HEMK1: variants seen among roughly 807,000 people sequenced by gnomAD.
HEMK1 encodes the protein MTRF1L release factor glutamine methyltransferase.
HEMK1 carries 36 observed loss-of-function variants against 47.9 expected under a neutral mutation model. The ratio of observed to expected loss-of-function variants is 0.75; its 90% CI spans 0.58 to 0.99. HEMK1 has a LOEUF of 0.99. Among genes scored for constraint, HEMK1 ranks in the 50% least tolerant of loss-of-function variants. The probability of loss-of-function intolerance (pLI) is 0.00; values close to 1 mark genes in which losing one functional copy is unlikely to be tolerated. For missense variants in HEMK1, 383 were observed against 434.5 expected (o/e 0.88, Z 1.05); for synonymous variants, 153 against 165.4 (o/e 0.93, Z 0.57).
intron 6 of HEMK1, 57 bp downstream of exon 6, chr3:50,577,630 C>A: frequency 2.0e-6 from 3 of 1,535,174 alleles, no homozygotes; most frequent in Non-Finnish European, 2.7e-6. Context: ...AGGTTTCAAA[C>A]TCACCAATGT....
In HEMK1 at chr3:50,581,405, C is replaced by T. The variant is rs1396402132; in HGVS notation, c.*988C>T. 1 of 150,926 alleles carries T rather than the reference C, an allele frequency of 6.6e-6. No individual in the cohort carries two copies. Among genetic ancestry groups the T allele is most frequent in the African/African-American group, 2.4e-5 (1 of 41,434 alleles). 9.3% of individuals were successfully genotyped at this position (150,926 alleles called of 1,614,324 possible). ...CAGGCTGTCTCATTCCACTAGACTG[C>T]CCCCTGCCACCCTGGCACTTCCCAG... On this transcript the variant is annotated 3_prime_UTR_variant, in exon 11 of 11. Coordinates refer to ENST00000232854, the MANE Select transcript of HEMK1 (RefSeq NM_016173.5).
Position 50,587,859 on chromosome 3 carries a change from G to A in HEMK1, c.*7442G>A, listed in dbSNP as rs1339527875. Reference sequence around the variant, plus strand: ...GGCTGCAACTTGTCCAGGGTCTGGAGGTGGCTGGGGTCTGTAGCAGTGGCA... The same window carrying A: ...GGCTGCAACTTGTCCAGGGTCTGGAAGTGGCTGGGGTCTGTAGCAGTGGCA... On this transcript the variant is annotated 3_prime_UTR_variant, in exon 11 of 11. Transcript: ENST00000232854. The surrounding 1 kb of genome is among the most constrained non-coding windows in gnomAD (Gnocchi z 4.2). 6.6e-6 allele frequency: 1 copy of A among 152,554 alleles called. No individual in the cohort carries two copies. The highest frequency in any genetic ancestry group is 2.4e-5 in the African/African-American group (1 of 41,462). 9.5% of individuals were successfully genotyped at this position (152,554 alleles called of 1,614,324 possible).
At position 50,580,591 on chromosome 3, in the gene HEMK1, T is replaced by C. The variant is rs1350120181; in HGVS notation, c.*174T>C. The stretch of plus-strand genomic sequence containing the variant: ...CTGGATTGGCTCCATCACATCAGAG[T>C]GGCTGAGGGCAGTTGCTCTGTGTTG... On this transcript the variant is annotated 3_prime_UTR_variant, in exon 11 of 11. Coordinates refer to ENST00000232854, the MANE Select transcript of HEMK1 (RefSeq NM_016173.5). The C allele has an allele frequency of 3.0e-6, 2 of 667,564 alleles. No homozygotes were observed. The highest frequency in any genetic ancestry group is 5.1e-6 in the Non-Finnish European group (2 of 391,398). The allele number at this position is 667,564 out of a possible 1,614,324, so 41.4% of individuals were successfully genotyped here. A position where few individuals can be genotyped will look rare whatever the true frequency, so the allele number is the denominator to read the frequency against.
At chr3:50,579,381 T>G (rs2030388982) in intron 8 of HEMK1, among the ~76,000 whole-genome samples, 1 of 152,106 alleles carries the variant, frequency 6.6e-6, no homozygotes, top group South Asian at 2.1e-4. Context: ...CAGGCTAGCT[T>G]TGTGCCAGGC....
At position 50,582,967 on chromosome 3, in the gene HEMK1, C is replaced by T. The variant is rs1373255875; in HGVS notation, c.*2550C>T. 2.0e-5 allele frequency: 3 copies of T among 152,556 alleles called. No homozygotes were observed. The highest frequency in any genetic ancestry group is 2.1e-4 in the South Asian group (1 of 4,840). 9.5% of individuals were successfully genotyped at this position (152,556 alleles called of 1,614,324 possible). On this transcript the variant is annotated 3_prime_UTR_variant, in exon 11 of 11. Coordinates refer to ENST00000232854, the MANE Select transcript of HEMK1 (RefSeq NM_016173.5). Reference sequence around the variant, plus strand: ...CAAAGCCAGAGACTCGAACAGCCTCCCCACCACCACCAGCATATGTCAAGG... The same window carrying T: ...CAAAGCCAGAGACTCGAACAGCCTCTCCACCACCACCAGCATATGTCAAGG...
At position 50,571,088 on chromosome 3, in the gene HEMK1, G is replaced by T. The variant is rs1426524825; in HGVS notation, c.-17G>T. 1.9e-6 allele frequency: 3 copies of T among 1,563,270 alleles called. No homozygotes were observed. The East Asian group carries it at 6.8e-5, about 35-fold the overall frequency. On this transcript the variant is annotated 5_prime_UTR_variant, in exon 2 of 11. Coordinates refer to ENST00000232854, the MANE Select transcript of HEMK1 (RefSeq NM_016173.5). Reference sequence around the variant, plus strand: ...CTTGGGAACCTGGAAGCACTCTGGAGAACCTTTCCCTGAGACATGGAGCTT... The same window carrying T: ...CTTGGGAACCTGGAAGCACTCTGGATAACCTTTCCCTGAGACATGGAGCTT...
rs938269635 is a variant in HEMK1, at chr3:50,593,514, A to G, written c.*13097A>G. 6.6e-6 allele frequency: 1 copy of G among 152,140 alleles called. No homozygotes were observed. Among genetic ancestry groups the G allele is most frequent in the Non-Finnish European group, 1.5e-5 (1 of 68,022 alleles). The allele number at this position is 152,140 out of a possible 1,614,324, so 9.4% of individuals were successfully genotyped here. A position where few individuals can be genotyped will look rare whatever the true frequency, so the allele number is the denominator to read the frequency against. On this transcript the variant is annotated 3_prime_UTR_variant, in exon 11 of 11. Transcript: ENST00000232854. ...TCATGGAAGGTTCACTTTCCTGCTT[A>G]TCTAGTCTCAGATGTTACAGTTTTT...
In HEMK1 at chr3:50,593,752, T is replaced by C. The variant is rs527583858; in HGVS notation, c.*13335T>C. ...ATTTGTCTTTTCCTTTCTTTCTTTTTTTTTTTTTTGAGACAAAGTGCCACT... is the reference window on the plus strand; with the variant it reads ...ATTTGTCTTTTCCTTTCTTTCTTTTCTTTTTTTTTGAGACAAAGTGCCACT... On this transcript the variant is annotated 3_prime_UTR_variant, in exon 11 of 11. Transcript: ENST00000232854. 2 of 152,134 alleles carry C rather than the reference T, an allele frequency of 1.3e-5. No individual in the cohort carries two copies. The highest frequency in any genetic ancestry group is 6.5e-5 in the Admixed American group (1 of 15,282). The allele number at this position is 152,134 out of a possible 1,614,324, so 9.4% of individuals were successfully genotyped here.
chr3:50,570,103 G>A lies in HEMK1; in HGVS notation c.-175+529G>A, dbSNP rs1326728506. On this transcript the variant is annotated intron_variant, in intron 1 of 10. Coordinates refer to ENST00000232854, the MANE Select transcript of HEMK1 (RefSeq NM_016173.5). ...GATCCGCCCACCTCGGCCTCCCAGA[G>A]TGCTGGGATTACAGGCGTGAGCCAC... 2.6e-5 allele frequency: 4 copies of A among 152,310 alleles called. No homozygotes were observed. In the East Asian group the frequency reaches 5.8e-4, roughly 22 times the overall value. The allele number at this position is 152,310 out of a possible 1,614,324, so 9.4% of individuals were successfully genotyped here.
rs1209642460 is a variant in HEMK1 at position 50,590,896 on chromosome 3, G to A, written c.*10479G>A. On this transcript the variant is annotated 3_prime_UTR_variant, in exon 11 of 11. Transcript: ENST00000232854. ...GACCCTGTGCCCCTGAAAGCCCAGA[G>A]TTTCACTGTTTCTGGGTACCTTCAT... 4 of 152,226 alleles carry A rather than the reference G, an allele frequency of 2.6e-5. No homozygotes were observed. Among genetic ancestry groups the A allele is most frequent in the Non-Finnish European group, 5.9e-5 (4 of 68,048 alleles). The allele number at this position is 152,226 out of a possible 1,614,324, so 9.4% of individuals were successfully genotyped here.
At chr3:50,570,876 G>A (rs918016531) in intron 1 of HEMK1, 55 bp from the exon 2 acceptor site, 8 of 445,052 alleles carry the variant, frequency 1.8e-5, no homozygotes, top group Non-Finnish European at 2.4e-5. Flanking sequence ...TGTATTGGTA[G>A]AAGGGGGGGT....
Position 50,572,102 on chromosome 3 carries a change from G to T in HEMK1, c.321-13G>T. 2 of 1,613,704 alleles carry T rather than the reference G, an allele frequency of 1.2e-6. No individual in the cohort carries two copies. Among genetic ancestry groups the T allele is most frequent in the Non-Finnish European group, 1.7e-6 (2 of 1,179,832 alleles). On this transcript the variant is annotated splice_polypyrimidine_tract_variant and intron_variant, in intron 3 of 10. Coordinates refer to ENST00000232854, the MANE Select transcript of HEMK1 (RefSeq NM_016173.5). ...CTCTGTCCCTGATGACCACCCAGCTGCCCCCTCTGCAGGATGCCGGTGCAG... is the reference window on the plus strand; with the variant it reads ...CTCTGTCCCTGATGACCACCCAGCTTCCCCCTCTGCAGGATGCCGGTGCAG...
chr3:50,573,361 G>A (rs1303371228), intron 4 of HEMK1, among the ~76,000 whole-genome samples: 1 of 152,228 alleles, frequency 6.6e-6, no homozygotes, highest in Non-Finnish European at 1.5e-5. Flanking sequence ...GCAGACTTTG[G>A]GAGGCTTACC....
Position 50,580,695 on chromosome 3 carries a change from T to C in HEMK1, c.*278T>C. Reference sequence around the variant, plus strand: ...TAACAAATGGTGACCTAATGTTTTGTCCATGACTTGCAGGTCCCCTGACCC... The same window carrying C: ...TAACAAATGGTGACCTAATGTTTTGCCCATGACTTGCAGGTCCCCTGACCC... On this transcript the variant is annotated 3_prime_UTR_variant, in exon 11 of 11. Transcript: ENST00000232854. 1 of 518,100 alleles carries C rather than the reference T, an allele frequency of 1.9e-6. No homozygotes were observed. Among genetic ancestry groups the C allele is most frequent in the Admixed American group, 3.6e-5 (1 of 28,106 alleles). 32.1% of individuals were successfully genotyped at this position (518,100 alleles called of 1,614,324 possible).
At chr3:50,574,804 G>T (rs1701388469) in intron 4 of HEMK1, among the ~76,000 whole-genome samples, 1 of 152,202 alleles carries the variant, frequency 6.6e-6, no homozygotes, top group Non-Finnish European at 1.5e-5. Flanking sequence ...TCTCCTGCTG[G>T]AACTGGGCCC....
At chr3:50,571,993 C>T in intron 3 of HEMK1, 122 bp from the exon 4 acceptor site, 2 of 1,512,014 alleles carry the variant, frequency 1.3e-6, no homozygotes, top group Non-Finnish European at 1.8e-6. Context: ...CCTCAGGAGT[C>T]CCAAGGCCCT....
Position 50,589,753 on chromosome 3 carries a change from C to A in HEMK1, c.*9336C>A, listed in dbSNP as rs910456960. 1 of 151,854 alleles carries A rather than the reference C, an allele frequency of 6.6e-6. No homozygotes were observed. The highest frequency in any genetic ancestry group is 6.6e-5 in the Admixed American group (1 of 15,252). 9.4% of individuals were successfully genotyped at this position (151,854 alleles called of 1,614,324 possible). The stretch of plus-strand genomic sequence containing the variant: ...CTGTACTAAAAATACAAAAATTAGC[C>A]GGGTGTGGTGGCTCACGCCTGTAAT... On this transcript the variant is annotated 3_prime_UTR_variant, in exon 11 of 11. Coordinates refer to ENST00000232854, the MANE Select transcript of HEMK1 (RefSeq NM_016173.5).
rs1442175489 is a variant in HEMK1 at position 50,584,608 on chromosome 3, C to T, written c.*4191C>T. On this transcript the variant is annotated 3_prime_UTR_variant, in exon 11 of 11. Coordinates refer to ENST00000232854, the MANE Select transcript of HEMK1 (RefSeq NM_016173.5). ...AATTGCTGGAGGAAGAGCCATGAGC[C>T]GAGGAATGCAGACAGCCTCTTCTCC... is the stretch of plus-strand genomic sequence containing the variant. The T allele has an allele frequency of 1.3e-5, 2 of 152,064 alleles. No individual in the cohort carries two copies. Among genetic ancestry groups the T allele is most frequent in the East Asian group, 1.9e-4 (1 of 5,184 alleles). The allele number at this position is 152,064 out of a possible 1,614,324, so 9.4% of individuals were successfully genotyped here. A position where few individuals can be genotyped will look rare whatever the true frequency, so the allele number is the denominator to read the frequency against.
At chr3:50,572,971 T>C (rs2107412166) in intron 4 of HEMK1, among the ~76,000 whole-genome samples, 1 of 152,324 alleles carries the variant, frequency 6.6e-6, no homozygotes, top group East Asian at 1.9e-4. Flanking sequence ...GGAGTGTTTC[T>C]AGAAAGACCT....
Sources: allele counts gnomAD v4.1 joint callset (sites outside exome capture counted in the v4.1 genomes callset), GRCh38; gene constraint gnomAD v4.1.1; non-coding constraint Gnocchi (gnomAD v3.1); transcripts MANE v1.5; gene names NCBI Gene and HGNC (gene_info 2026-07-23, HGNC 2026-07-21).